EXOC6B: variants seen among roughly 807,000 people sequenced by gnomAD.
EXOC6B encodes SEC15 homolog B.
A neutral mutation model predicts 113.5 loss-of-function variants in EXOC6B; 54 were observed. The observed-to-expected ratio is 0.48, with a 90% CI of 0.38 to 0.60. EXOC6B has a LOEUF of 0.60. Ranked by LOEUF, EXOC6B falls within the 20% of genes least tolerant of loss-of-function variation. EXOC6B has a pLI of 0.00. For missense variants in EXOC6B, 797 were observed against 977.5 expected, an observed-to-expected ratio of 0.82 and a Z score of 2.46; for synonymous variants, 357 against 339.0, an observed-to-expected ratio of 1.05 and a Z score of -0.58.
intron 5 of EXOC6B, among the ~76,000 whole-genome samples, chr2:72,719,419 T>A (rs1346540201): frequency 6.6e-6 from 1 of 152,160 alleles, no homozygotes; most frequent in East Asian, 1.9e-4. Flanking sequence ...CAGAAGGGCT[T>A]GATAAACTCC....
intron 1 of EXOC6B, among the ~76,000 whole-genome samples, chr2:72,800,981 A>G (rs1209027690): frequency 6.6e-6 from 1 of 152,184 alleles, no homozygotes; most frequent in Non-Finnish European, 1.5e-5. Flanking sequence ...CCAGTTTTTC[A>G]AAGCTTGCTA....
At chr2:72,454,610 T>C (rs1300517603) in intron 18 of EXOC6B, among the ~76,000 whole-genome samples, 1 of 152,186 alleles carries the variant, frequency 6.6e-6, no homozygotes, top group African/African-American at 2.4e-5. Flanking sequence ...TTCTCCTTAT[T>C]TTCTATGTTA....
At chr2:72,630,842 T>C (rs1196196474) in intron 6 of EXOC6B, among the ~76,000 whole-genome samples, 2 of 152,146 alleles carry the variant, frequency 1.3e-5, no homozygotes, top group Admixed American at 6.5e-5. Context: ...ATTTGTGCCA[T>C]GGAAAAAAAA....
chr2:72,523,833 C>T (rs1573320711), intron 8 of EXOC6B, among the ~76,000 whole-genome samples: 1 of 136,346 alleles, frequency 7.3e-6, no homozygotes, highest in African/African-American at 2.7e-5. Context: ...TTTGGCTAAA[C>T]AGCTCCTTAT....
intron 1 of EXOC6B, among the ~76,000 whole-genome samples, chr2:72,752,090 C>T (rs1255456626): frequency 1.3e-5 from 2 of 152,150 alleles, no homozygotes; most frequent in Non-Finnish European, 2.9e-5. Flanking sequence ...TCTTCCATTA[C>T]TTACAGCATC....
At chr2:72,711,016 T>G (rs1056746963) in intron 6 of EXOC6B, among the ~76,000 whole-genome samples, 1 of 152,206 alleles carries the variant, frequency 6.6e-6, no homozygotes, top group Admixed American at 6.5e-5. Flanking sequence ...CAAGAATGAT[T>G]ACATTACAAA....
intron 1 of EXOC6B, among the ~76,000 whole-genome samples, chr2:72,812,529 A>C (rs1685979222): frequency 6.6e-6 from 1 of 152,142 alleles, no homozygotes; most frequent in Non-Finnish European, 1.5e-5. Context: ...AGATTATTCT[A>C]AAAACATATA....
At chr2:72,681,013 C>G (rs1267102643) in intron 6 of EXOC6B, among the ~76,000 whole-genome samples, 1 of 152,160 alleles carries the variant, frequency 6.6e-6, no homozygotes, top group African/African-American at 2.4e-5. Context: ...AATCTTCAAT[C>G]TTCACACACA....
At chr2:72,368,892 A>C (rs1572980784) in intron 19 of EXOC6B, among the ~76,000 whole-genome samples, 2 of 152,312 alleles carry the variant, frequency 1.3e-5, no homozygotes, top group African/African-American at 2.4e-5. Flanking sequence ...TCTATGACAA[A>C]CCCACAGCCA....
At chr2:72,373,838 T>TA (rs1438702731) in intron 19 of EXOC6B, among the ~76,000 whole-genome samples, 2 of 152,124 alleles carry the variant, frequency 1.3e-5, no homozygotes, top group Non-Finnish European at 2.9e-5. Context: ...GTATAACCAC[T>TA]ATGGAGACGG....
intron 6 of EXOC6B, among the ~76,000 whole-genome samples, chr2:72,660,129 A>T (rs1674899092): frequency 6.6e-6 from 1 of 152,014 alleles, no homozygotes; most frequent in Admixed American, 6.6e-5. Context: ...GGCTATTAAA[A>T]TACAGTCTAC....
At chr2:72,745,005 C>G (rs564900474) in intron 1 of EXOC6B, among the ~76,000 whole-genome samples, 1 of 152,182 alleles carries the variant, frequency 6.6e-6, no homozygotes, top group Non-Finnish European at 1.5e-5. Flanking sequence ...CGACCCTCAA[C>G]TTTCTCATCT....
At chr2:72,583,869 C>T (rs1308478195) in intron 6 of EXOC6B, among the ~76,000 whole-genome samples, 3 of 151,952 alleles carry the variant, frequency 2.0e-5, no homozygotes, top group African/African-American at 7.3e-5. Context: ...TACAGGCGCA[C>T]GCTACCATAC....
At chr2:72,365,684 G>T (rs573149812) in intron 19 of EXOC6B, among the ~76,000 whole-genome samples, 1 of 152,268 alleles carries the variant, frequency 6.6e-6, no homozygotes, top group South Asian at 2.1e-4. Flanking sequence ...TCGGTATTTG[G>T]TGGAGTACTA....
At chr2:72,360,214 C>A (rs544204026) in intron 19 of EXOC6B, among the ~76,000 whole-genome samples, 12 of 151,704 alleles carry the variant, frequency 7.9e-5, no homozygotes, top group South Asian at 6.3e-4. Context: ...CAGCCTCCCA[C>A]GTAGCTGGGA....
chr2:72,226,305 T>C (rs1173848739), intron 20 of EXOC6B, among the ~76,000 whole-genome samples: 3 of 152,228 alleles, frequency 2.0e-5, no homozygotes, highest in African/African-American at 4.8e-5. Context: ...TAATTTCTTG[T>C]TGTGACAAAT....
chr2:72,344,723 G>A (rs148311201), intron 19 of EXOC6B, among the ~76,000 whole-genome samples: 1,769 of 151,912 alleles, frequency 0.012, 21 homozygotes, highest in African/African-American at 0.025. Flanking sequence ...GGACCTCTAC[G>A]GTTAGTTTCT....
At chr2:72,408,144 A>G in intron 18 of EXOC6B, among the ~76,000 whole-genome samples, 1 of 152,192 alleles carries the variant, frequency 6.6e-6, no homozygotes, top group Non-Finnish European at 1.5e-5. Flanking sequence ...AATACCTAGG[A>G]ATCCAACTTA....
intron 18 of EXOC6B, among the ~76,000 whole-genome samples, chr2:72,393,800 G>C (rs1452463958): frequency 2.6e-5 from 4 of 152,118 alleles, no homozygotes; most frequent in African/African-American, 9.7e-5. Context: ...AGGATAAAGG[G>C]TGTAGCCATT....
Sources: allele counts gnomAD v4.1 joint callset (sites outside exome capture counted in the v4.1 genomes callset), GRCh38; gene constraint gnomAD v4.1.1; transcripts MANE v1.5; gene names NCBI Gene and HGNC (gene_info 2026-07-23, HGNC 2026-07-21).